The following TASOR variants were observed in gnomAD, a reference collection of about 807,000 sequenced individuals.
TASOR encodes transcription activation suppressor, also known as protein TASOR.
A neutral mutation model predicts 178.6 loss-of-function variants in TASOR; 53 were observed. The ratio of observed to expected loss-of-function variants is 0.30; its 90% CI spans 0.24 to 0.37. The LOEUF is 0.37. TASOR is among the 10% of genes least tolerant of loss of function. The pLI is 1.00. For missense variants in TASOR, 1,815 were observed against 1,971.4 expected (o/e 0.92, Z 1.50); for synonymous variants, 713 against 696.2 (o/e 1.02, Z -0.38).
chr3:56,625,018 A>G lies in TASOR; in HGVS notation c.4140-12T>C. On this transcript the variant is annotated splice_polypyrimidine_tract_variant and intron_variant, in intron 21 of 23. Coordinates refer to ENST00000683822, the MANE Select transcript of TASOR (RefSeq NM_001365635.2). ...CTTTAGCATTCAATCTGTGAAATTAAGCAGTTCAGTTTCTGGATCTGTACT... is the reference window on the plus strand; with the variant it reads ...CTTTAGCATTCAATCTGTGAAATTAGGCAGTTCAGTTTCTGGATCTGTACT... 1 of 1,611,106 alleles carries G rather than the reference A, an allele frequency of 6.2e-7. No individual in the cohort carries two copies. The highest frequency in any genetic ancestry group is 8.5e-7 in the Non-Finnish European group (1 of 1,178,694).
intron 21 of TASOR, 24 bp downstream of exon 21, chr3:56,627,013 A>T: frequency 7.5e-7 from 1 of 1,341,580 alleles, no homozygotes; most frequent in Non-Finnish European, 1.1e-6. Context: ...AACAACCATT[A>T]TATAGTTATG....
rs528487034 is a variant in TASOR at position 56,683,045 on chromosome 3, A to G, written c.-39T>C. The G allele has an allele frequency of 3.5e-5, 52 of 1,477,680 alleles. No homozygotes were observed. In the African/African-American group the frequency reaches 6.8e-4, roughly 19 times the overall value. 91.5% of individuals were successfully genotyped at this position (1,477,680 alleles called of 1,614,324 possible). On this transcript the variant is annotated 5_prime_UTR_variant, in exon 1 of 24. Transcript: ENST00000683822. ...GGAGCTCTGGGAAGCTTCTGCCCAC[A>G]AGGTCGACGGGTGTGGGGGGAAGGG...
chr3:56,635,551 T>TA (rs1334658568), intron 17 of TASOR, among the ~76,000 whole-genome samples: 2 of 152,222 alleles, frequency 1.3e-5, no homozygotes, highest in Admixed American at 1.3e-4. Flanking sequence ...TTGAATTACG[T>TA]ATCATGTCAA....
chr3:56,656,924 TG>T (rs1381919926), intron 11 of TASOR, among the ~76,000 whole-genome samples: 6 of 148,892 alleles, frequency 4.0e-5, no homozygotes, highest in Non-Finnish European at 8.9e-5. Context: ...GCAGGAGAAC[TG>T]CTTGAACCCA....
At position 56,665,900 on chromosome 3, in the gene TASOR, C is replaced by T. The variant is rs565013004; in HGVS notation, c.1022+360G>A. On this transcript the variant is annotated intron_variant, in intron 7 of 23. Transcript: ENST00000683822. Reference sequence around the variant, plus strand: ...GGCAGAATGGCGTGAACCCGGGAGGCGGAGCTTGCAGTGAGCCGAGATCCT... The same window carrying T: ...GGCAGAATGGCGTGAACCCGGGAGGTGGAGCTTGCAGTGAGCCGAGATCCT... Among the ~76,000 whole-genome samples, 10 of 152,150 alleles carry T rather than the reference C, an allele frequency of 6.6e-5. No homozygotes were observed. The South Asian group carries it at 1.9e-3, about 28-fold the overall frequency.
Position 56,624,619 on chromosome 3 carries a change from C to T in TASOR, c.4343G>A (p.Ser1448Asn). The change falls in exon 23 of 24, where the codon AGT (serine) becomes AAT (asparagine). Residue 1448 changes from serine to asparagine, a missense_variant. Coordinates refer to ENST00000683822, the MANE Select transcript of TASOR (RefSeq NM_001365635.2). ...AACCACTATTCCATTATCTGTATAACTGGAAAGCATCTTGATGTTCTTCTC... is the reference window on the plus strand; with the variant it reads ...AACCACTATTCCATTATCTGTATAATTGGAAAGCATCTTGATGTTCTTCTC... ...LTEKNIKMLS[S>N]YTDNGIVVAT... 6.2e-7 allele frequency: 1 copy of T among 1,612,646 alleles called. No individual in the cohort carries two copies. Among genetic ancestry groups the T allele is most frequent in the Admixed American group, 1.7e-5 (1 of 59,550 alleles).
intron 11 of TASOR, among the ~76,000 whole-genome samples, chr3:56,653,819 A>C (rs2077411625): frequency 6.6e-6 from 1 of 152,342 alleles, no homozygotes; most frequent in South Asian, 2.1e-4. Context: ...AAGTTAAAAA[A>C]AAATTGGAAA....
At chr3:56,674,651 C>A (rs1251159345) in intron 1 of TASOR, among the ~76,000 whole-genome samples, 1 of 152,096 alleles carries the variant, frequency 6.6e-6, no homozygotes, top group African/African-American at 2.4e-5. Context: ...AAATACCAGA[C>A]CTAGCATTAC....
intron 11 of TASOR, among the ~76,000 whole-genome samples, chr3:56,650,996 A>C (rs1395512006): frequency 6.6e-6 from 1 of 152,350 alleles, no homozygotes; most frequent in East Asian, 1.9e-4. Context: ...AAAACCAATT[A>C]GATGCCTTTA....
At chr3:56,675,263 G>A (rs796765915) in intron 1 of TASOR, among the ~76,000 whole-genome samples, 4 of 151,344 alleles carry the variant, frequency 2.6e-5, no homozygotes, top group Non-Finnish European at 4.4e-5. Context: ...CAACCTCCGC[G>A]CCTCCCAGGT....
intron 11 of TASOR, among the ~76,000 whole-genome samples, chr3:56,657,416 A>G (rs2077496831): frequency 6.6e-6 from 1 of 151,994 alleles, no homozygotes; most frequent in South Asian, 2.1e-4. Flanking sequence ...TCTACGTGCC[A>G]CTGCAAAAAG....
chr3:56,654,659 C>T (rs2077431174), intron 11 of TASOR, among the ~76,000 whole-genome samples: 1 of 152,120 alleles, frequency 6.6e-6, no homozygotes, highest in African/African-American at 2.4e-5. Context: ...GCAGGTTGGC[C>T]ATATCCAATC....
Position 56,622,804 on chromosome 3 carries a change from A to G in TASOR, c.*233T>C. On this transcript the variant is annotated 3_prime_UTR_variant, in exon 24 of 24. Coordinates refer to ENST00000683822, the MANE Select transcript of TASOR (RefSeq NM_001365635.2). ...TTCAATTTGAAGCCTAAGTACAGGT[A>G]ACATACAAAAAGTAAAACTTAGAAG... is the stretch of plus-strand genomic sequence containing the variant. The G allele has an allele frequency of 3.4e-6, 1 of 297,868 alleles. No homozygotes were observed. Among genetic ancestry groups the G allele is most frequent in the East Asian group, 5.8e-5 (1 of 17,378 alleles). The allele number at this position is 297,868 out of a possible 1,614,324, so 18.5% of individuals were successfully genotyped here.
At chr3:56,626,821 A>G (rs531868607) in intron 21 of TASOR, among the ~76,000 whole-genome samples, 1 of 152,316 alleles carries the variant, frequency 6.6e-6, no homozygotes, top group African/African-American at 2.4e-5. Flanking sequence ...GATTAAACCA[A>G]TTTTACCTAT....
chr3:56,672,089 GCTT>G (rs1356491616), intron 2 of TASOR, among the ~76,000 whole-genome samples: 4 of 152,114 alleles, frequency 2.6e-5, no homozygotes, highest in Non-Finnish European at 4.4e-5. Context: ...CAAGAAAAAT[GCTT>G]CTTTTCTCTG....
At chr3:56,628,422 G>A in intron 19 of TASOR, 70 bp downstream of exon 19, 1 of 1,351,782 alleles carries the variant, frequency 7.4e-7, no homozygotes, top group South Asian at 1.3e-5. Flanking sequence ...ACACTAGTCT[G>A]GCAGACAGTA....
In TASOR at chr3:56,621,166, A is replaced by G. The variant is rs2076506946; in HGVS notation, c.*1871T>C. The G allele has an allele frequency of 6.5e-6, 1 of 154,700 alleles. No homozygotes were observed. Among genetic ancestry groups the G allele is most frequent in the Non-Finnish European group, 1.4e-5 (1 of 71,064 alleles). 9.6% of individuals were successfully genotyped at this position (154,700 alleles called of 1,614,324 possible). A position where few individuals can be genotyped will look rare whatever the true frequency, so the allele number is the denominator to read the frequency against. ...AGAGCGAGACTCCATCTCCAAAAAA[A>G]AACAAAACAACAACAACAAAAAAAA... On this transcript the variant is annotated 3_prime_UTR_variant, in exon 24 of 24. Transcript: ENST00000683822.
chr3:56,673,607 C>G lies in TASOR; in HGVS notation c.450G>C (p.Leu150Phe). The change falls in exon 2 of 24, where the codon TTG (leucine) becomes TTC (phenylalanine). Residue 150 changes from leucine (L) to phenylalanine (F), a missense_variant. This residue lies in a region of TASOR where 244 missense variants were observed against 202.7 expected (regional missense o/e 1.20). Transcript: ENST00000683822. ...CCTTTTCCAAAAGCTCATTGTGTAC[C>G]AAGCAAGCACGTCTGTAGTTAAAAT... ...VTNFNYRRAC[L>F]VHNELLEKEF... 1 of 1,549,818 alleles carries G rather than the reference C, an allele frequency of 6.5e-7. No individual in the cohort carries two copies. Among genetic ancestry groups the G allele is most frequent in the Non-Finnish European group, 8.7e-7 (1 of 1,146,330 alleles).
chr3:56,662,107 G>A (rs966922305), intron 9 of TASOR, among the ~76,000 whole-genome samples: 8 of 149,700 alleles, frequency 5.3e-5, no homozygotes, highest in Non-Finnish European at 1.2e-4. Context: ...TCTAGACTGA[G>A]TGACAAGAGC....
Sources: allele counts gnomAD v4.1 joint callset (sites outside exome capture counted in the v4.1 genomes callset), GRCh38; gene constraint gnomAD v4.1.1; regional missense constraint gnomAD v4.1.1; transcripts MANE v1.5; gene names NCBI Gene and HGNC (gene_info 2026-07-23, HGNC 2026-07-21).